The following NPFFR2 variants were observed in gnomAD, a reference collection of about 807,000 sequenced individuals.
NPFFR2 encodes the protein neuropeptide FF receptor 2.
NPFFR2 carries 15 observed loss-of-function variants against 13.1 expected under a neutral mutation model. The ratio of observed to expected loss-of-function variants is 1.15; its 90% CI spans 0.77 to 1.76. The LOEUF (loss-of-function observed/expected upper bound fraction) is 1.76. Ranked by LOEUF, NPFFR2 falls within the 40% of genes most tolerant of loss-of-function variation. The pLI is 0.00. For synonymous variants in NPFFR2, 190 were observed against 175.7 expected (o/e 1.08, Z -0.65); for missense variants, 572 against 503.5 (o/e 1.14, Z -1.30).
rs547758351 is a variant in NPFFR2, at chr4:72,139,665, G to T, written c.428+1526G>T. Reference sequence around the variant, plus strand: ...ATGCTGTTTTGGTTACTGTAGCCTTGTAGTATAGTTTGAAGTTGGGTAGCA... The same window carrying T: ...ATGCTGTTTTGGTTACTGTAGCCTTTTAGTATAGTTTGAAGTTGGGTAGCA... On this transcript the variant is annotated intron_variant, in intron 3 of 3. Coordinates refer to ENST00000308744, the MANE Select transcript of NPFFR2 (RefSeq NM_004885.3). Among the ~76,000 whole-genome samples the T allele has an allele frequency of 2.0e-5, 3 of 151,970 alleles. No homozygotes were observed. The East Asian group carries it at 5.8e-4, about 30-fold the overall frequency.
At chr4:72,065,747 G>A (rs1456907779) in intron 1 of NPFFR2, among the ~76,000 whole-genome samples, 1 of 152,144 alleles carries the variant, frequency 6.6e-6, no homozygotes, top group African/African-American at 2.4e-5. Context: ...AGAGAGTGCT[G>A]TAATAATTAC....
intron 3 of NPFFR2, among the ~76,000 whole-genome samples, chr4:72,144,327 C>A (rs182720813): frequency 8.5e-4 from 129 of 152,206 alleles, no homozygotes; most frequent in Non-Finnish European, 1.5e-3. Context: ...AAGAGAGTAC[C>A]AGCAAAAATC....
Position 72,100,951 on chromosome 4 carries a change from T to C in NPFFR2, c.-7-27634T>C, listed in dbSNP as rs574014536. Among the ~76,000 whole-genome samples, 6 of 152,168 alleles carry C rather than the reference T, an allele frequency of 3.9e-5. No individual in the cohort carries two copies. The South Asian group carries it at 1.2e-3, about 32-fold the overall frequency. On this transcript the variant is annotated intron_variant, in intron 1 of 3. Transcript: ENST00000308744. ...GAAGTATCTTTCTATGCATTTTCCA[T>C]CATCATGGGTTCATATTGAGAGAAA...
intron 1 of NPFFR2, among the ~76,000 whole-genome samples, chr4:72,040,374 A>C (rs1298562242): frequency 6.6e-6 from 1 of 152,160 alleles, no homozygotes; most frequent in Non-Finnish European, 1.5e-5. Context: ...CAAACAGCTT[A>C]CTAAATATTT....
chr4:72,094,471 G>A (rs1209320673), intron 1 of NPFFR2, among the ~76,000 whole-genome samples: 2 of 152,164 alleles, frequency 1.3e-5, no homozygotes, highest in Non-Finnish European at 2.9e-5. Flanking sequence ...AAGACAATCA[G>A]TGGAGGGCAG....
rs1414722497 is a variant in NPFFR2 at position 72,071,647 on chromosome 4, T to G, written c.-8+39447T>G. 3.3e-5 allele frequency among the ~76,000 whole-genome samples: 5 copies of G among 152,290 alleles called. No homozygotes were observed. In the East Asian group the frequency reaches 9.7e-4, roughly 29 times the overall value. ...CTCTCAGCCACATGACAGGTAGATC[T>G]GCACATGTACCTGGAATAGCTTGAA... On this transcript the variant is annotated intron_variant, in intron 1 of 3. Transcript: ENST00000308744.
Position 72,138,078 on chromosome 4 carries a change from T to C in NPFFR2, c.367T>C (p.Leu123=), listed in dbSNP as rs1308383014. ...AAACACGATGTGCAAGATCAGTGGA[T>C]TGGTCCAGGGAATATCTGTCGCAGC... The part of the protein sequence containing the change: ...FGNTMCKISG[L]VQGISVAASV... The change falls in exon 3 of 4, where the codon TTG becomes CTG. Residue 123 remains leucine (L), a synonymous_variant. Coordinates refer to ENST00000308744, the MANE Select transcript of NPFFR2 (RefSeq NM_004885.3). 2.2e-5 allele frequency: 36 copies of C among 1,613,786 alleles called. No individual in the cohort carries two copies. Among genetic ancestry groups the C allele is most frequent in the Middle Eastern group, 1.7e-4 (1 of 6,054 alleles).
intron 1 of NPFFR2, among the ~76,000 whole-genome samples, chr4:72,108,496 CA>C (rs1176255476): frequency 6.6e-6 from 1 of 151,922 alleles, no homozygotes; most frequent in Non-Finnish European, 1.5e-5. Context: ...CTTCTTGCCA[CA>C]CATTTCTCTA....
At chr4:72,061,221 T>C (rs908521521) in intron 1 of NPFFR2, among the ~76,000 whole-genome samples, 2 of 152,166 alleles carry the variant, frequency 1.3e-5, no homozygotes, top group Non-Finnish European at 2.9e-5. Context: ...CTGAAGCTCA[T>C]AGAGCTGACT....
intron 1 of NPFFR2, among the ~76,000 whole-genome samples, chr4:72,079,212 A>G (rs1011421308): frequency 1.3e-5 from 2 of 152,002 alleles, no homozygotes; most frequent in Non-Finnish European, 2.9e-5. Context: ...TCATTGTATG[A>G]TTTCTTACAA....
chr4:72,145,321 AATAC>A (rs1157206575), intron 3 of NPFFR2, among the ~76,000 whole-genome samples: 1 of 149,420 alleles, frequency 6.7e-6, no homozygotes, highest in Non-Finnish European at 1.5e-5. Flanking sequence ...CAAATATATA[AATAC>A]ATATATGTAC....
chr4:72,035,047 T>C (rs1444641980), intron 1 of NPFFR2, among the ~76,000 whole-genome samples: 1 of 152,242 alleles, frequency 6.6e-6, no homozygotes, highest in Non-Finnish European at 1.5e-5. Context: ...GAATTATAAT[T>C]TGATTTCTAA....
rs1026680140 is a variant in NPFFR2, at chr4:72,041,088, C to T, written c.-8+8888C>T. On this transcript the variant is annotated intron_variant, in intron 1 of 3. Coordinates refer to ENST00000308744, the MANE Select transcript of NPFFR2 (RefSeq NM_004885.3). Reference sequence around the variant, plus strand: ...TGCTGAGGTTTGGGTACAGTTGAACCCATTACCCAGGTAGTGAGCGAACTA... The same window carrying T: ...TGCTGAGGTTTGGGTACAGTTGAACTCATTACCCAGGTAGTGAGCGAACTA... Among the ~76,000 whole-genome samples, 9 of 152,102 alleles carry T rather than the reference C, an allele frequency of 5.9e-5. No individual in the cohort carries two copies. In the East Asian group the frequency reaches 1.2e-3, roughly 20 times the overall value.
intron 1 of NPFFR2, among the ~76,000 whole-genome samples, chr4:72,125,226 G>A (rs1484770231): frequency 6.6e-6 from 1 of 152,160 alleles, no homozygotes; most frequent in Non-Finnish European, 1.5e-5. Context: ...ACTACAATGA[G>A]ATACCATCTC....
At chr4:72,131,953 A>AG (rs71215414) in intron 2 of NPFFR2, among the ~76,000 whole-genome samples, 1 of 134,956 alleles carries the variant, frequency 7.4e-6, no homozygotes, top group Non-Finnish European at 1.5e-5. Flanking sequence ...TAAAAAAAAA[A>AG]GAGGGTGTAC....
At chr4:72,086,008 A>T (rs1560406859) in intron 1 of NPFFR2, among the ~76,000 whole-genome samples, 1 of 152,074 alleles carries the variant, frequency 6.6e-6, no homozygotes, top group South Asian at 2.1e-4. Flanking sequence ...GAAGATGCTC[A>T]ATAATGATCA....
intron 3 of NPFFR2, among the ~76,000 whole-genome samples, chr4:72,143,134 A>T (rs1213000428): frequency 6.6e-6 from 1 of 152,200 alleles, no homozygotes; most frequent in African/African-American, 2.4e-5. Context: ...GCATTGAAAT[A>T]GGAGGCACTT....
intron 1 of NPFFR2, among the ~76,000 whole-genome samples, chr4:72,053,393 G>A (rs1333989061): frequency 6.6e-6 from 1 of 151,730 alleles, no homozygotes; most frequent in Non-Finnish European, 1.5e-5. Flanking sequence ...CCCAGAAAGA[G>A]AAAGTTTACC....
chr4:72,039,024 C>T (rs1239000173), intron 1 of NPFFR2, among the ~76,000 whole-genome samples: 3 of 129,660 alleles, frequency 2.3e-5, no homozygotes, highest in Non-Finnish European at 4.9e-5. Context: ...CCTGCGTCAG[C>T]CTCCCGAGTA....
Sources: allele counts gnomAD v4.1 joint callset (sites outside exome capture counted in the v4.1 genomes callset), GRCh38; gene constraint gnomAD v4.1.1; transcripts MANE v1.5; gene names NCBI Gene and HGNC (gene_info 2026-07-23, HGNC 2026-07-21).